STARD13: variants seen among roughly 807,000 people sequenced by gnomAD.
The protein encoded by STARD13 is stAR-related lipid transfer protein 13.
In STARD13, 62 loss-of-function variants were observed where a neutral mutation model predicts 106.4. The observed-to-expected ratio is 0.58, with a 90% CI of 0.48 to 0.72. The LOEUF (loss-of-function observed/expected upper bound fraction) is 0.72, where lower values mean the gene tolerates loss of function less well. Among genes scored for constraint, STARD13 ranks in the 30% least tolerant of loss-of-function variants. The pLI is 0.00. For missense variants in STARD13, 1,387 were observed against 1,424.0 expected, an observed-to-expected ratio of 0.97 and a Z score of 0.42; for synonymous variants, 565 against 553.0, an observed-to-expected ratio of 1.02 and a Z score of -0.31.
intron 1 of STARD13, chr13:33,272,964 T>C (rs1891233846): frequency 6.6e-6 from 1 of 152,200 alleles, no homozygotes; most frequent in South Asian, 2.1e-4. Flanking sequence ...ACAATCTCTC[T>C]TTTACCGGTT....
At chr13:33,196,169 GA>G (rs1465300082) in intron 1 of STARD13, among the ~76,000 whole-genome samples, 40 of 152,220 alleles carry the variant, frequency 2.6e-4, no homozygotes, top group Non-Finnish European at 2.4e-4. Context: ...TGGATCATTT[GA>G]GGTCAGGAGT....
the STARD13 span, among the ~76,000 whole-genome samples, chr13:33,516,219 A>G: frequency 6.8e-6 from 1 of 148,058 alleles, no homozygotes; most frequent in South Asian, 2.1e-4. Context: ...ATATATATTC[A>G]GTATCTATAA....
chr13:33,525,084 T>G, the STARD13 span, among the ~76,000 whole-genome samples: 2,212 of 152,124 alleles, frequency 0.015, 52 homozygotes, highest in African/African-American at 0.051. Flanking sequence ...TGCGGTGGCA[T>G]GATCATAGCT....
intron 1 of STARD13, among the ~76,000 whole-genome samples, chr13:33,302,165 C>A (rs1455697354): frequency 6.6e-6 from 1 of 152,180 alleles, no homozygotes; most frequent in East Asian, 1.9e-4. Flanking sequence ...ATGATGATAA[C>A]AGCAACACTA....
At chr13:33,506,188 A>T in the STARD13 span, among the ~76,000 whole-genome samples, 1 of 152,168 alleles carries the variant, frequency 6.6e-6, no homozygotes, top group Non-Finnish European at 1.5e-5. Context: ...TATTTGTGTG[A>T]CAACATAAGA....
the STARD13 span, among the ~76,000 whole-genome samples, chr13:33,385,223 A>G: frequency 2.9e-4 from 29 of 101,564 alleles, no homozygotes; most frequent in African/African-American, 1.2e-3. Context: ...TTCGGAATAT[A>G]TATATATATA....
At chr13:33,219,862 T>C (rs1888259368) in intron 1 of STARD13, among the ~76,000 whole-genome samples, 1 of 144,340 alleles carries the variant, frequency 6.9e-6, no homozygotes, top group African/African-American at 2.5e-5. Context: ...AGAAGAAAAG[T>C]ATAAAAATAG....
At chr13:33,656,336 AG>A in the STARD13 span, among the ~76,000 whole-genome samples, 1 of 152,226 alleles carries the variant, frequency 6.6e-6, no homozygotes. Flanking sequence ...ATGAAAGGAA[AG>A]AAAGGGAAGA....
the STARD13 span, among the ~76,000 whole-genome samples, chr13:33,469,588 T>G: frequency 6.6e-6 from 1 of 152,022 alleles, no homozygotes; most frequent in African/African-American, 2.4e-5. Flanking sequence ...TACATAACTG[T>G]GAAATAGAGA....
chr13:33,500,863 C>A, the STARD13 span, among the ~76,000 whole-genome samples: 3 of 151,988 alleles, frequency 2.0e-5, no homozygotes, highest in Non-Finnish European at 2.9e-5. Context: ...GACATTGATT[C>A]TCTTACTGTT....
At chr13:33,642,909 T>G in the STARD13 span, among the ~76,000 whole-genome samples, 3 of 151,318 alleles carry the variant, frequency 2.0e-5, no homozygotes, top group African/African-American at 7.3e-5. Flanking sequence ...GAAGCCAGGT[T>G]TGGACTGAGG....
chr13:33,162,464 C>A (rs1163603108), intron 3 of STARD13, among the ~76,000 whole-genome samples: 1 of 152,192 alleles, frequency 6.6e-6, no homozygotes, highest in African/African-American at 2.4e-5. Flanking sequence ...ATGTGTTTTT[C>A]TTTTCTACTG....
chr13:33,526,360 C>G, the STARD13 span, among the ~76,000 whole-genome samples: 1 of 151,986 alleles, frequency 6.6e-6, no homozygotes. Context: ...AATATGGAAG[C>G]TATGAATCCT....
intron 1 of STARD13, among the ~76,000 whole-genome samples, chr13:33,309,629 A>G (rs1482747023): frequency 6.6e-6 from 1 of 152,208 alleles, no homozygotes; most frequent in Admixed American, 6.5e-5. Flanking sequence ...TGAGAACCCT[A>G]TAAAGCACTG....
At chr13:33,429,100 T>C in the STARD13 span, among the ~76,000 whole-genome samples, 5 of 152,168 alleles carry the variant, frequency 3.3e-5, no homozygotes, top group African/African-American at 4.8e-5. Flanking sequence ...ACAACCACTA[T>C]GGAGAACAGT....
At chr13:33,614,823 G>C in the STARD13 span, among the ~76,000 whole-genome samples, 1 of 152,122 alleles carries the variant, frequency 6.6e-6, no homozygotes, top group Non-Finnish European at 1.5e-5. Flanking sequence ...CAAAGACAAG[G>C]CTGGGGAGGG....
chr13:33,429,035 G>T, the STARD13 span, among the ~76,000 whole-genome samples: 10,567 of 152,232 alleles, frequency 0.069, 400 homozygotes, highest in East Asian at 0.14. Flanking sequence ...AAATGCTGGC[G>T]TGAATGTGGA....
At chr13:33,147,808 C>T (rs1380685983) in intron 3 of STARD13, among the ~76,000 whole-genome samples, 1 of 152,106 alleles carries the variant, frequency 6.6e-6, no homozygotes, top group Non-Finnish European at 1.5e-5. Flanking sequence ...TGACACTATC[C>T]AAATTCAAGA....
Position 33,103,662 on chromosome 13 carries a change from G to A in STARD13, c.*1931C>T, listed in dbSNP as rs1873352390. ...ATCCCCAGGCAATTCATGTGCATGT[G>A]AAATCTGGACAAGCACCTCTCTGGG... On this transcript the variant is annotated 3_prime_UTR_variant, in exon 14 of 14. Coordinates refer to ENST00000336934, the MANE Select transcript of STARD13 (RefSeq NM_178006.4). The A allele has an allele frequency of 6.5e-6, 1 of 152,718 alleles. No homozygotes were observed. The highest frequency in any genetic ancestry group is 6.5e-5 in the Admixed American group (1 of 15,292). 9.5% of individuals were successfully genotyped at this position (152,718 alleles called of 1,614,324 possible).
Sources: allele counts gnomAD v4.1 joint callset (sites outside exome capture counted in the v4.1 genomes callset), GRCh38; gene constraint gnomAD v4.1.1; transcripts MANE v1.5; gene names NCBI Gene and HGNC (gene_info 2026-07-23, HGNC 2026-07-21).